The following LIFR variants were observed in gnomAD, a reference collection of about 807,000 sequenced individuals.
The protein encoded by LIFR is LIF receptor subunit alpha.
Under a neutral mutation model 122.2 loss-of-function variants are expected in LIFR, and 84 were observed. The observed-to-expected ratio is 0.69, with a 90% CI of 0.58 to 0.82. LIFR has a LOEUF of 0.82. Ranked by LOEUF, LIFR falls within the 40% of genes least tolerant of loss-of-function variation. LIFR has a pLI of 0.00. For missense variants in LIFR, 1,294 were observed against 1,311.6 expected (o/e 0.99, Z 0.21); for synonymous variants, 422 against 434.7 (o/e 0.97, Z 0.36).
At chr5:38,517,460 A>C (rs1012799863) in intron 5 of LIFR, among the ~76,000 whole-genome samples, 1 of 152,166 alleles carries the variant, frequency 6.6e-6, no homozygotes, top group Non-Finnish European at 1.5e-5. Flanking sequence ...TAATACCTTT[A>C]AGACAGCACC....
Position 38,493,757 on chromosome 5 carries a change from C to T in LIFR, c.1914G>A (p.Gly638=). 1.2e-6 allele frequency: 2 copies of T among 1,614,046 alleles called. No individual in the cohort carries two copies. The highest frequency in any genetic ancestry group is 1.1e-5 in the South Asian group (1 of 91,060). Residue 638 remains glycine (G), a synonymous_variant, in exon 14 of 20, where the codon GGG becomes GGA. Transcript: ENST00000453190. ...NDDLKIEQVV[G]MGKGILLTWH... ...AGGTGAGGAGAATCCCCTTTCCCAT[C>T]CCAACAACTTGTTCTATTTTGAGAT...
chr5:38,553,670 ATATT>A (rs1236072710), intron 1 of LIFR, among the ~76,000 whole-genome samples: 86 of 110,418 alleles, frequency 7.8e-4, no homozygotes, highest in Middle Eastern at 4.4e-3. Flanking sequence ...ATATATATAT[ATATT>A]ATATGTATGT....
exon 1 of LIFR, chr5:38,595,350 G>A (rs1313362485): frequency 6.6e-6 from 1 of 152,490 alleles, no homozygotes; most frequent in African/African-American, 2.4e-5. Flanking sequence ...TCTGCAGAGC[G>A]AAAGGGCCCG....
chr5:38,485,993 TG>T lies in LIFR; in HGVS notation c.2336-14del, dbSNP rs756601642. 3.7e-6 allele frequency: 6 copies of T among 1,606,950 alleles called. No homozygotes were observed. The African/African-American group carries it at 5.3e-5, about 14-fold the overall frequency. The stretch of plus-strand genomic sequence containing the variant: ...ATGTCAGAACGACCTATTTTTAAAA[TG>T]AAGTATGTTAGCACTAATCTCTAAC... On this transcript the variant is annotated splice_polypyrimidine_tract_variant and intron_variant, in intron 16 of 19. Transcript: ENST00000453190.
intron 15 of LIFR, 42 bp downstream of exon 15, chr5:38,490,148 T>C (rs752666228): frequency 6.1e-6 from 5 of 813,844 alleles, no homozygotes; most frequent in Middle Eastern, 2.5e-4. Flanking sequence ...TAATTTCTCA[T>C]GTTGCCTTGA....
intron 4 of LIFR, among the ~76,000 whole-genome samples, chr5:38,526,594 C>T (rs1228682021): frequency 6.6e-6 from 1 of 152,166 alleles, no homozygotes; most frequent in Non-Finnish European, 1.5e-5. Flanking sequence ...TGCAGAGCTT[C>T]TCTTGCACAC....
intron 7 of LIFR, among the ~76,000 whole-genome samples, chr5:38,509,251 C>T (rs1412650826): frequency 2.0e-5 from 3 of 152,196 alleles, no homozygotes; most frequent in Admixed American, 1.3e-4. Context: ...AACTTCACTA[C>T]ATATACCACT....
chr5:38,549,617 G>A (rs907097125), intron 1 of LIFR, among the ~76,000 whole-genome samples: 1 of 151,992 alleles, frequency 6.6e-6, no homozygotes, highest in Non-Finnish European at 1.5e-5. Flanking sequence ...ACGGTGAAAC[G>A]CATCTCTACT....
At chr5:38,562,837 T>C (rs1670740346) in intron 1 of LIFR, among the ~76,000 whole-genome samples, 1 of 152,242 alleles carries the variant, frequency 6.6e-6, no homozygotes, top group Non-Finnish European at 1.5e-5. Context: ...AGTTTCTGAC[T>C]GTGAAGAATT....
In LIFR at chr5:38,481,034, C is replaced by G. The variant is rs1218885844; in HGVS notation, c.*561G>C. 1 of 228,792 alleles carries G rather than the reference C, an allele frequency of 4.4e-6. No homozygotes were observed. The highest frequency in any genetic ancestry group is 8.7e-6 in the Non-Finnish European group (1 of 114,900). 14.2% of individuals were successfully genotyped at this position (228,792 alleles called of 1,614,324 possible). On this transcript the variant is annotated 3_prime_UTR_variant, in exon 20 of 20. Transcript: ENST00000453190. The stretch of plus-strand genomic sequence containing the variant: ...TAAGCATACTTTATCAAACAAAACA[C>G]TAAATCGCTGTCACTACATTAAAAA...
chr5:38,553,650 ATATATATATATATATATATATATT>A (rs1295884900), intron 1 of LIFR, among the ~76,000 whole-genome samples: 17 of 100,198 alleles, frequency 1.7e-4, no homozygotes, highest in African/African-American at 7.0e-4. Flanking sequence ...ATATATATAT[ATATATATATATATATATATATATT>A]ATATGTATGT....
chr5:38,543,558 C>T (rs1374167161), intron 1 of LIFR, among the ~76,000 whole-genome samples: 1 of 152,200 alleles, frequency 6.6e-6, no homozygotes, highest in Non-Finnish European at 1.5e-5. Context: ...CATTCAAGCA[C>T]TTCACATGCA....
chr5:38,580,860 C>T (rs771567868), intron 1 of LIFR, among the ~76,000 whole-genome samples: 61 of 152,254 alleles, frequency 4.0e-4, no homozygotes, highest in Admixed American at 2.5e-3. Context: ...ATATGAGACT[C>T]GAGATGTTCT....
intron 11 of LIFR, among the ~76,000 whole-genome samples, chr5:38,501,713 C>T (rs949581013): frequency 6.6e-6 from 1 of 151,668 alleles, no homozygotes; most frequent in South Asian, 2.1e-4. Flanking sequence ...TGCACTCCAG[C>T]CTAGGTGACA....
intron 5 of LIFR, among the ~76,000 whole-genome samples, chr5:38,522,443 T>G (rs62355818): frequency 0.071 from 10,854 of 152,276 alleles, 527 homozygotes; most frequent in East Asian, 0.26. Flanking sequence ...TGTAGAGAAG[T>G]TGAGTACGAG....
chr5:38,506,617 G>A lies in LIFR; in HGVS notation c.1007C>T (p.Pro336Leu), dbSNP rs916464000. ...VIFAGYPPDT[P>L]QQLNCETHDL... Reference sequence around the variant, plus strand: ...ATGTGTCTCACAATTCAGTTGTTGAGGAGTATCTGGTGGATCTAACAGAAA... The same window carrying A: ...ATGTGTCTCACAATTCAGTTGTTGAAGAGTATCTGGTGGATCTAACAGAAA... Residue 336 changes from proline (P) to leucine (L), a missense_variant, in exon 8 of 20, where the codon CCT becomes CTT. Pro to Leu is a moderately conservative substitution (Grantham distance 98, BLOSUM62 -3). Coordinates refer to ENST00000453190, the MANE Select transcript of LIFR (RefSeq NM_001127671.2). 1 of 1,612,804 alleles carries A rather than the reference G, an allele frequency of 6.2e-7. No individual in the cohort carries two copies. The highest frequency in any genetic ancestry group is 1.3e-5 in the African/African-American group (1 of 74,840).
chr5:38,566,518 C>T (rs1436114766), intron 1 of LIFR, among the ~76,000 whole-genome samples: 3 of 152,052 alleles, frequency 2.0e-5, no homozygotes. Flanking sequence ...CACTATTTTC[C>T]AAAGGCATTG....
intron 1 of LIFR, among the ~76,000 whole-genome samples, chr5:38,532,194 A>G (rs1361180591): frequency 1.3e-5 from 2 of 152,204 alleles, no homozygotes; most frequent in African/African-American, 4.8e-5. Context: ...ATTATTCTAA[A>G]AAGAGACACA....
rs570952009 is a variant in LIFR, at chr5:38,572,282, T to G, written c.-20+22979A>C. Among the ~76,000 whole-genome samples, 8 of 152,180 alleles carry G rather than the reference T, an allele frequency of 5.3e-5. No individual in the cohort carries two copies. In the East Asian group the frequency reaches 1.5e-3, roughly 29 times the overall value. On this transcript the variant is annotated intron_variant, in intron 1 of 19. Transcript: ENST00000263409. ...GCAAAGAAGGAGCAGGTGTCTTACA[T>G]GGCAGGAGCAGGAACAAGATATATA...
Sources: allele counts gnomAD v4.1 joint callset (sites outside exome capture counted in the v4.1 genomes callset), GRCh38; gene constraint gnomAD v4.1.1; transcripts MANE v1.5; gene names NCBI Gene and HGNC (gene_info 2026-07-23, HGNC 2026-07-21).